GPC6: variants seen among roughly 807,000 people sequenced by gnomAD.
GPC6 encodes glypican-6.
GPC6 carries 14 observed loss-of-function variants against 55.2 expected under a neutral mutation model. The ratio of observed to expected loss-of-function variants is 0.25; its 90% confidence interval spans 0.17 to 0.40. The LOEUF (loss-of-function observed/expected upper bound fraction) is 0.40, where lower values mean the gene tolerates loss of function less well. Among genes scored for constraint, GPC6 ranks in the 10% least tolerant of loss-of-function variants. The pLI, the probability that GPC6 is intolerant of heterozygous loss-of-function variation, is 1.00. For missense variants in GPC6, 641 were observed against 708.5 expected, an observed-to-expected ratio of 0.90 and a Z score of 1.08; for synonymous variants, 278 against 259.6, an observed-to-expected ratio of 1.07 and a Z score of -0.68.
At chr13:93,924,542 C>G (rs999241349) in intron 3 of GPC6, among the ~76,000 whole-genome samples, 1 of 152,178 alleles carries the variant, frequency 6.6e-6, no homozygotes, top group Non-Finnish European at 1.5e-5. Flanking sequence ...TCTTTCAACC[C>G]TGTATTCATT....
intron 2 of GPC6, among the ~76,000 whole-genome samples, chr13:93,676,451 T>C (rs1160841359): frequency 6.6e-6 from 1 of 151,448 alleles, no homozygotes; most frequent in Non-Finnish European, 1.5e-5. Flanking sequence ...AATAAAAAAA[T>C]AAAATGGTAT....
At chr13:93,671,484 T>G (rs1881353176) in intron 2 of GPC6, among the ~76,000 whole-genome samples, 1 of 152,128 alleles carries the variant, frequency 6.6e-6, no homozygotes, top group South Asian at 2.1e-4. Flanking sequence ...GCTGTTCTGT[T>G]GTATCTTCCC....
intron 3 of GPC6, among the ~76,000 whole-genome samples, chr13:93,993,708 A>G (rs1042612626): frequency 3.3e-5 from 5 of 152,214 alleles, no homozygotes; most frequent in African/African-American, 1.2e-4. Flanking sequence ...ATCACTATTC[A>G]TATGCATTCT....
intron 2 of GPC6, among the ~76,000 whole-genome samples, chr13:93,676,126 A>AAT (rs764101821): frequency 2.2e-3 from 35 of 15,668 alleles, no homozygotes; most frequent in East Asian, 8.8e-3. Context: ...AAAAAAAAAA[A>AAT]ATATATATAT....
intron 4 of GPC6, among the ~76,000 whole-genome samples, chr13:94,236,096 G>A (rs1012847530): frequency 2.6e-5 from 4 of 152,112 alleles, no homozygotes; most frequent in Non-Finnish European, 5.9e-5. Context: ...GTTTATGGGG[G>A]AGTTTAATAA....
intron 2 of GPC6, among the ~76,000 whole-genome samples, chr13:93,561,276 A>C (rs1875777667): frequency 6.6e-6 from 1 of 151,918 alleles, no homozygotes; most frequent in Non-Finnish European, 1.5e-5. Flanking sequence ...TCACTGGAAT[A>C]ATAAGTTCTG....
intron 6 of GPC6, among the ~76,000 whole-genome samples, chr13:94,362,600 G>A (rs1030544371): frequency 6.6e-6 from 1 of 152,120 alleles, no homozygotes; most frequent in Non-Finnish European, 1.5e-5. Flanking sequence ...TTATAATGAA[G>A]GTGGCCTCTA....
At chr13:94,396,694 T>A (rs547530435) in intron 7 of GPC6, among the ~76,000 whole-genome samples, 1 of 152,310 alleles carries the variant, frequency 6.6e-6, no homozygotes, top group African/African-American at 2.4e-5. Flanking sequence ...CAGGAAGGCA[T>A]GGGATGGCTA....
At chr13:93,575,625 C>A (rs1015888050) in intron 2 of GPC6, among the ~76,000 whole-genome samples, 1 of 152,168 alleles carries the variant, frequency 6.6e-6, no homozygotes, top group East Asian at 1.9e-4. Flanking sequence ...TCATCTCTAT[C>A]ATTTCCTGCC....
intron 3 of GPC6, among the ~76,000 whole-genome samples, chr13:94,013,147 TTAAC>T (rs1221421970): frequency 6.6e-6 from 1 of 152,052 alleles, no homozygotes; most frequent in Non-Finnish European, 1.5e-5. Flanking sequence ...AAATATGTAT[TTAAC>T]TAGCAGAAAG....
At chr13:93,940,181 A>G (rs890622698) in intron 3 of GPC6, among the ~76,000 whole-genome samples, 15 of 152,128 alleles carry the variant, frequency 9.9e-5, no homozygotes, top group Non-Finnish European at 1.8e-4. Flanking sequence ...CTTAGTAATT[A>G]TTAGTTTCTT....
At chr13:93,871,925 C>T (rs977024799) in intron 3 of GPC6, among the ~76,000 whole-genome samples, 6 of 151,834 alleles carry the variant, frequency 4.0e-5, no homozygotes, top group Non-Finnish European at 5.9e-5. Context: ...ATTTCATTTT[C>T]ACTGCATTTA....
chr13:94,323,981 C>T lies in GPC6; in HGVS notation c.1152+17858C>T, dbSNP rs540818014. Among the ~76,000 whole-genome samples the T allele has an allele frequency of 7.2e-5, 11 of 152,190 alleles. No homozygotes were observed. In the South Asian group the frequency reaches 2.1e-3, roughly 29 times the overall value. Reference sequence around the variant, plus strand: ...TTTTCTCGGCACATTTAGGACTAGTCGCTGAGGACTAGAAGAGAACTGCAA... The same window carrying T: ...TTTTCTCGGCACATTTAGGACTAGTTGCTGAGGACTAGAAGAGAACTGCAA... On this transcript the variant is annotated intron_variant, in intron 6 of 8. Transcript: ENST00000377047.
intron 6 of GPC6, among the ~76,000 whole-genome samples, chr13:94,310,303 A>T (rs1876179345): frequency 6.6e-6 from 1 of 152,162 alleles, no homozygotes; most frequent in African/African-American, 2.4e-5. Flanking sequence ...CAGGTTTGGA[A>T]ATTAACTCAA....
At chr13:94,341,876 C>T (rs1194628840) in intron 6 of GPC6, among the ~76,000 whole-genome samples, 1 of 152,168 alleles carries the variant, frequency 6.6e-6, no homozygotes, top group African/African-American at 2.4e-5. Flanking sequence ...TTTTATACCT[C>T]ACATTGTAAA....
intron 2 of GPC6, among the ~76,000 whole-genome samples, chr13:93,606,400 G>T (rs1383369231): frequency 6.6e-6 from 1 of 152,148 alleles, no homozygotes; most frequent in African/African-American, 2.4e-5. Flanking sequence ...AGGTAAGGAG[G>T]GCAATCATAT....
intron 1 of GPC6, among the ~76,000 whole-genome samples, chr13:93,512,602 G>T (rs1024148506): frequency 1.3e-5 from 2 of 151,954 alleles, no homozygotes; most frequent in Non-Finnish European, 2.9e-5. Flanking sequence ...TGTTCATTAG[G>T]GATATTGGCA....
At chr13:93,710,417 C>G (rs920270853) in intron 2 of GPC6, among the ~76,000 whole-genome samples, 1 of 151,678 alleles carries the variant, frequency 6.6e-6, no homozygotes, top group African/African-American at 2.4e-5. Context: ...GTTCATCCTG[C>G]CAAATCTGTC....
intron 3 of GPC6, among the ~76,000 whole-genome samples, chr13:93,885,119 A>G (rs1405438927): frequency 6.6e-6 from 1 of 152,046 alleles, no homozygotes; most frequent in Non-Finnish European, 1.5e-5. Flanking sequence ...TAGATAGATA[A>G]ACAGACAATT....
Sources: allele counts gnomAD v4.1 joint callset (sites outside exome capture counted in the v4.1 genomes callset), GRCh38; gene constraint gnomAD v4.1.1; transcripts MANE v1.5; gene names NCBI Gene and HGNC (gene_info 2026-07-23, HGNC 2026-07-21).